The following RHBDL2 variants were observed in gnomAD, a reference collection of about 807,000 sequenced individuals.
RHBDL2 encodes rhomboid like 2.
A neutral mutation model predicts 31.7 loss-of-function variants in RHBDL2; 26 were observed. That is an observed-to-expected ratio of 0.82 (90% CI 0.60 to 1.14). The LOEUF is 1.14. RHBDL2 is among the 50% of genes most tolerant of loss of function. The pLI, the probability that RHBDL2 is intolerant of heterozygous loss-of-function variation, is 0.00. For missense variants in RHBDL2, 336 were observed against 364.4 expected (o/e 0.92, Z 0.63); for synonymous variants, 123 against 127.2 (o/e 0.97, Z 0.22).
In RHBDL2 at chr1:38,888,029, A is replaced by G. The variant is rs1306665062; in HGVS notation, c.671-5T>C. The G allele has an allele frequency of 1.2e-6, 2 of 1,608,948 alleles. No homozygotes were observed. Among genetic ancestry groups the G allele is most frequent in the Non-Finnish European group, 8.5e-7 (1 of 1,175,840 alleles). On this transcript the variant is annotated splice_region_variant and splice_polypyrimidine_tract_variant and intron_variant, in intron 6 of 7. Coordinates refer to ENST00000372990, the MANE Select transcript of RHBDL2 (RefSeq NM_017821.5). Reference sequence around the variant, plus strand: ...CAAATCCCATGTCCAACACAACTAGAAGGAAAAACACCCTGATAAAGGCTC... The same window carrying G: ...CAAATCCCATGTCCAACACAACTAGGAGGAAAAACACCCTGATAAAGGCTC...
At chr1:38,915,823 C>T (rs1458820389) in intron 2 of RHBDL2, 113 bp from the exon 3 acceptor site, 33 of 923,724 alleles carry the variant, frequency 3.6e-5, no homozygotes, top group Admixed American at 1.4e-4. Context: ...TGGGCCACAC[C>T]ATAGTGCCAG....
chr1:38,919,349 G>A lies in RHBDL2; in HGVS notation c.-125-12C>T. ...TTCCAAGGCCTTTCCTGTATGTGAA[G>A]AGAAGACAGCTGAAGATGATCAAAA... On this transcript the variant is annotated splice_polypyrimidine_tract_variant and intron_variant, in intron 1 of 7. Transcript: ENST00000372990. 1.3e-6 allele frequency: 2 copies of A among 1,572,232 alleles called. No homozygotes were observed. Among genetic ancestry groups the A allele is most frequent in the Non-Finnish European group, 1.7e-6 (2 of 1,163,296 alleles).
chr1:38,929,091 A>T lies in RHBDL2; in HGVS notation c.-125-9754T>A, dbSNP rs1201852203. On this transcript the variant is annotated intron_variant, in intron 1 of 7. Coordinates refer to ENST00000372990, the MANE Select transcript of RHBDL2 (RefSeq NM_017821.5). Reference sequence around the variant, plus strand: ...TGTCTCCAAAACCTAAATAAATAAAAATAAAAATAAAAATTTAAACAAAAG... The same window carrying T: ...TGTCTCCAAAACCTAAATAAATAAATATAAAAATAAAAATTTAAACAAAAG... Among the ~76,000 whole-genome samples, 4 of 152,222 alleles carry T rather than the reference A, an allele frequency of 2.6e-5. No individual in the cohort carries two copies. The South Asian group carries it at 6.2e-4, about 24-fold the overall frequency.
intron 3 of RHBDL2, among the ~76,000 whole-genome samples, chr1:38,911,639 T>C (rs1187017386): frequency 0.091 from 3,789 of 41,614 alleles, 188 homozygotes; most frequent in African/African-American, 0.22. Context: ...TGTGTGTGTG[T>C]GTGTGTGCGC....
chr1:38,912,902 ATATATATATGTGTGTG>A (rs1200895921), intron 3 of RHBDL2, among the ~76,000 whole-genome samples: 1,271 of 36,282 alleles, frequency 0.035, 29 homozygotes, highest in African/African-American at 0.07. Flanking sequence ...ATATATATAT[ATATATATATGTGTGTG>A]TGTGTGTGTG....
Position 38,888,032 on chromosome 1 carries a change from G to GA in RHBDL2, c.671-9dup. The GA allele has an allele frequency of 6.2e-7, 1 of 1,607,400 alleles. No homozygotes were observed. On this transcript the variant is annotated splice_polypyrimidine_tract_variant and intron_variant, in intron 6 of 7. Coordinates refer to ENST00000372990, the MANE Select transcript of RHBDL2 (RefSeq NM_017821.5). Reference sequence around the variant, plus strand: ...ATCCCATGTCCAACACAACTAGAAGGAAAAACACCCTGATAAAGGCTCAGA... The same window carrying GA: ...ATCCCATGTCCAACACAACTAGAAGGAAAAAACACCCTGATAAAGGCTCAGA...
intron 1 of RHBDL2, among the ~76,000 whole-genome samples, chr1:38,932,917 G>A (rs1397299994): frequency 1.3e-5 from 2 of 152,054 alleles, no homozygotes; most frequent in African/African-American, 4.8e-5. Context: ...GTAGATTACT[G>A]ATGTCTGACC....
At chr1:38,898,201 G>A (rs1401979535) in intron 4 of RHBDL2, among the ~76,000 whole-genome samples, 6 of 152,168 alleles carry the variant, frequency 3.9e-5, no homozygotes, top group Non-Finnish European at 8.8e-5. Flanking sequence ...CTACTGGGGA[G>A]TCTGAGGCAC....
intron 6 of RHBDL2, 64 bp from the exon 7 acceptor site, chr1:38,888,088 G>A: frequency 9.4e-7 from 1 of 1,067,892 alleles, no homozygotes. Context: ...AATGTTTTTG[G>A]TTCCCCTCTA....
At chr1:38,891,717 G>A (rs1332895462) in intron 6 of RHBDL2, among the ~76,000 whole-genome samples, 1 of 152,174 alleles carries the variant, frequency 6.6e-6, no homozygotes, top group Non-Finnish European at 1.5e-5. Flanking sequence ...ATATTTAAAT[G>A]GTCAATAAAC....
chr1:38,915,386 G>A lies in RHBDL2; in HGVS notation c.395+176C>T, dbSNP rs543798543. On this transcript the variant is annotated intron_variant, in intron 3 of 7. Transcript: ENST00000372990. ...GTGATCTGCCCACCTCAGCCTCCAT[G>A]ACTACATCTCCTATGCCTCAGACAT... 32 of 600,734 alleles carry A rather than the reference G, an allele frequency of 5.3e-5. No individual in the cohort carries two copies. In the East Asian group the frequency reaches 8.7e-4, roughly 16 times the overall value. The allele number at this position is 600,734 out of a possible 1,614,324, so 37.2% of individuals were successfully genotyped here. A position where few individuals can be genotyped will look rare whatever the true frequency, so the allele number is the denominator to read the frequency against.
chr1:38,921,453 T>C (rs1277483039), intron 1 of RHBDL2, among the ~76,000 whole-genome samples: 1 of 152,124 alleles, frequency 6.6e-6, no homozygotes, highest in East Asian at 1.9e-4. Context: ...TGGCTGTGGA[T>C]GGATGAATGA....
chr1:38,920,255 C>A (rs1275838338), intron 1 of RHBDL2, among the ~76,000 whole-genome samples: 2 of 144,674 alleles, frequency 1.4e-5, no homozygotes, highest in Admixed American at 7.3e-5. Flanking sequence ...GGAACCTCTG[C>A]CTCCCAGGTT....
At chr1:38,887,922 A>C in intron 7 of RHBDL2, 41 bp downstream of exon 7, 1 of 1,415,486 alleles carries the variant, frequency 7.1e-7, no homozygotes, top group Non-Finnish European at 9.9e-7. Flanking sequence ...TTTTGACAGT[A>C]AACTAATTTC....
intron 1 of RHBDL2, among the ~76,000 whole-genome samples, chr1:38,936,396 T>C (rs1643512381): frequency 6.6e-6 from 1 of 151,716 alleles, no homozygotes; most frequent in African/African-American, 2.4e-5. Flanking sequence ...CCAACCTCTG[T>C]CTCCCAGGTT....
At position 38,886,318 on chromosome 1, in the gene RHBDL2, C is replaced by T; in HGVS notation, c.*186G>A. On this transcript the variant is annotated 3_prime_UTR_variant, in exon 8 of 8. Transcript: ENST00000372990. ...TTCTTCCCTTTCTACATTAAGAAGC[C>T]CCTTCCTTAAATCCTAAGGTCCTTT... 1 of 384,240 alleles carries T rather than the reference C, an allele frequency of 2.6e-6. No individual in the cohort carries two copies. The highest frequency in any genetic ancestry group is 4.6e-6 in the Non-Finnish European group (1 of 218,572). 23.8% of individuals were successfully genotyped at this position (384,240 alleles called of 1,614,324 possible). A position where few individuals can be genotyped will look rare whatever the true frequency, so the allele number is the denominator to read the frequency against.
At chr1:38,902,213 T>C (rs571970683) in intron 4 of RHBDL2, among the ~76,000 whole-genome samples, 24 of 134,048 alleles carry the variant, frequency 1.8e-4, no homozygotes, top group African/African-American at 6.2e-4. Context: ...TTTTTTTTTT[T>C]TTTTTTTTTT....
At chr1:38,938,305 G>A (rs1013007289) in intron 1 of RHBDL2, among the ~76,000 whole-genome samples, 2 of 152,044 alleles carry the variant, frequency 1.3e-5, no homozygotes, top group Admixed American at 6.5e-5. Flanking sequence ...GTGAGCCACC[G>A]CGCCCAGCCA....
chr1:38,886,791 G>T, intron 7 of RHBDL2, 108 bp from the exon 8 acceptor site: 2 of 871,546 alleles, frequency 2.3e-6, no homozygotes, highest in Non-Finnish European at 3.3e-6. Flanking sequence ...TTAAACAAGA[G>T]TCTTAAAGGT....
Sources: allele counts gnomAD v4.1 joint callset (sites outside exome capture counted in the v4.1 genomes callset), GRCh38; gene constraint gnomAD v4.1.1; transcripts MANE v1.5; gene names NCBI Gene and HGNC (gene_info 2026-07-23, HGNC 2026-07-21).